Variants in SLC23A2 observed in about 807,000 individuals in gnomAD.
SLC23A2 encodes Na(+)/L-ascorbic acid transporter 2.
SLC23A2 carries 36 observed loss-of-function variants against 73.3 expected under a neutral mutation model. The observed-to-expected ratio is 0.49, with a 90% CI of 0.38 to 0.65. The LOEUF (loss-of-function observed/expected upper bound fraction) is 0.65, where lower values mean the gene tolerates loss of function less well. SLC23A2 is among the 30% of genes least tolerant of loss of function. The probability of loss-of-function intolerance (pLI) is 0.00; values close to 1 mark genes in which losing one functional copy is unlikely to be tolerated. For missense variants in SLC23A2, 507 were observed against 841.6 expected (o/e 0.60, Z 4.92); for synonymous variants, 343 against 327.3 (o/e 1.05, Z -0.52).
At chr20:4,992,530 C>CG (rs2087944297) in intron 1 of SLC23A2, among the ~76,000 whole-genome samples, 2 of 101,554 alleles carry the variant, frequency 2.0e-5, no homozygotes, top group African/African-American at 7.5e-5. Flanking sequence ...TTTTTGGAGA[C>CG]GGAGTTTTTC....
chr20:4,941,106 A>T (rs1377761632), intron 2 of SLC23A2, among the ~76,000 whole-genome samples: 1 of 151,988 alleles, frequency 6.6e-6, no homozygotes, highest in East Asian at 1.9e-4. Context: ...CAGTAAGCCG[A>T]GATTGCACCA....
At chr20:4,953,320 AAAATT>A (rs1489140161) in intron 2 of SLC23A2, among the ~76,000 whole-genome samples, 3 of 152,128 alleles carry the variant, frequency 2.0e-5, no homozygotes, top group South Asian at 4.1e-4. Context: ...TAATAATAAT[AAAATT>A]AAATTAAATA....
intron 1 of SLC23A2, among the ~76,000 whole-genome samples, chr20:4,996,693 A>C (rs898849233): frequency 3.7e-5 from 5 of 134,758 alleles, no homozygotes; most frequent in East Asian, 2.1e-4. Context: ...CTCAAAAAAA[A>C]AAAAAAAAAA....
At chr20:5,000,839 C>T (rs559027744) in intron 1 of SLC23A2, among the ~76,000 whole-genome samples, 4 of 152,330 alleles carry the variant, frequency 2.6e-5, no homozygotes, top group African/African-American at 9.6e-5. Flanking sequence ...AGAAAGGCCC[C>T]GGGGTCGGAG....
At chr20:4,910,816 A>G (rs542359474) in intron 4 of SLC23A2, among the ~76,000 whole-genome samples, 2 of 152,344 alleles carry the variant, frequency 1.3e-5, no homozygotes, top group East Asian at 3.9e-4. Flanking sequence ...CCAGGAAAAT[A>G]TTAAGATACT....
chr20:4,987,451 G>A (rs1053197236), intron 1 of SLC23A2, among the ~76,000 whole-genome samples: 1 of 151,964 alleles, frequency 6.6e-6, no homozygotes, highest in Non-Finnish European at 1.5e-5. Context: ...AAATCAGCAG[G>A]GAAACAAAAA....
At chr20:5,003,399 C>T (rs1488402295), upstream of SLC23A2, among the ~76,000 whole-genome samples, 3 of 151,992 alleles carry the variant, frequency 2.0e-5, no homozygotes, top group Admixed American at 6.6e-5. Flanking sequence ...CAAAACAAAA[C>T]AAAACAAAAA....
chr20:4,956,800 CTT>C (rs759658782), intron 2 of SLC23A2, among the ~76,000 whole-genome samples: 2 of 111,932 alleles, frequency 1.8e-5, no homozygotes, highest in African/African-American at 6.9e-5. Context: ...CTTCCCTCTT[CTT>C]TTTTTTTTTT....
At chr20:4,910,728 G>A (rs775518277) in intron 4 of SLC23A2, among the ~76,000 whole-genome samples, 2 of 152,094 alleles carry the variant, frequency 1.3e-5, no homozygotes, top group Non-Finnish European at 2.9e-5. Flanking sequence ...GAGCCACCAC[G>A]CCCAGCCCAA....
chr20:4,985,203 T>C (rs2087805383), intron 1 of SLC23A2, among the ~76,000 whole-genome samples: 1 of 151,590 alleles, frequency 6.6e-6, no homozygotes, highest in African/African-American at 2.4e-5. Flanking sequence ...CTTCTATGTA[T>C]CTACCAACAA....
Position 4,998,805 on chromosome 20 carries a change from C to CTTTT in SLC23A2, c.-282+2597_-282+2600dup, listed in dbSNP as rs10634743. 1.4e-5 allele frequency among the ~76,000 whole-genome samples: 2 copies of CTTTT among 139,462 alleles called. No individual in the cohort carries two copies. The highest frequency in any genetic ancestry group is 1.5e-5 in the Non-Finnish European group (1 of 64,734). The allele number at this position is 139,462 out of a possible 152,430, so 91.5% of individuals were successfully genotyped here. ...ATAATTTCAAATCATTACTGTTGAT[C>CTTTT]TTTTTTTTTTTTTTTTTAGGAGACA... On this transcript the variant is annotated intron_variant, in intron 1 of 16. Transcript: ENST00000338244. The surrounding 1 kb of genome is among the most constrained non-coding windows in gnomAD (Gnocchi z 4.1).
At position 4,886,148 on chromosome 20, in the gene SLC23A2, G is replaced by A. The variant is rs919923613; in HGVS notation, c.483-239C>T. 2.0e-5 allele frequency among the ~76,000 whole-genome samples: 3 copies of A among 152,160 alleles called. No individual in the cohort carries two copies. In the South Asian group the frequency reaches 6.2e-4, roughly 32 times the overall value. On this transcript the variant is annotated intron_variant, in intron 6 of 16. Coordinates refer to ENST00000338244, the MANE Select transcript of SLC23A2 (RefSeq NM_005116.6). ...CCCAGGCAGCTCCAGGGTGGGCCCC[G>A]TGGTCAGTGCCAACACCCCAACACC...
intron 1 of SLC23A2, among the ~76,000 whole-genome samples, chr20:4,974,915 G>A (rs1171910858): frequency 1.3e-5 from 2 of 152,100 alleles, no homozygotes; most frequent in Admixed American, 6.6e-5. Context: ...AGCCTCCCGA[G>A]TAGCTGGGAT....
intron 2 of SLC23A2, among the ~76,000 whole-genome samples, chr20:4,965,623 G>T (rs1021809474): frequency 5.0e-4 from 76 of 151,852 alleles, no homozygotes; most frequent in African/African-American, 1.8e-3. Context: ...AATTAGCCAG[G>T]TATGGTGGTG....
In SLC23A2 at chr20:4,938,839, C is replaced by T. The variant is rs551799631; in HGVS notation, c.-154-6123G>A. ...CACAGGCCTCTCCTATCTCTCAGGACCCTGCTCATGCCATCCCTCCAAAAT... is the reference window on the plus strand; with the variant it reads ...CACAGGCCTCTCCTATCTCTCAGGATCCTGCTCATGCCATCCCTCCAAAAT... On this transcript the variant is annotated intron_variant, in intron 2 of 16. Transcript: ENST00000338244. 3.4e-4 allele frequency among the ~76,000 whole-genome samples: 52 copies of T among 152,256 alleles called. No individual in the cohort carries two copies. The South Asian group carries it at 5.8e-3, about 17-fold the overall frequency.
At chr20:4,931,664 G>C (rs1024692394) in intron 3 of SLC23A2, among the ~76,000 whole-genome samples, 2 of 152,076 alleles carry the variant, frequency 1.3e-5, no homozygotes, top group Non-Finnish European at 2.9e-5. Flanking sequence ...AGCTACTCGG[G>C]AGACTGAGAT....
chr20:4,889,068 G>A (rs138346116), intron 6 of SLC23A2, among the ~76,000 whole-genome samples: 173 of 152,286 alleles, frequency 1.1e-3, no homozygotes, highest in African/African-American at 3.8e-3. Flanking sequence ...AAGCAGATAC[G>A]ACGATGGAAA....
rs1278647558 is a variant in SLC23A2 at position 4,856,709 on chromosome 20, G to A, written c.*263C>T. The A allele has an allele frequency of 2.6e-5, 11 of 425,158 alleles. No individual in the cohort carries two copies. The South Asian group carries it at 3.8e-4, about 15-fold the overall frequency. The allele number at this position is 425,158 out of a possible 1,614,324, so 26.3% of individuals were successfully genotyped here. A position where few individuals can be genotyped will look rare whatever the true frequency, so the allele number is the denominator to read the frequency against. On this transcript the variant is annotated 3_prime_UTR_variant, in exon 17 of 17. Transcript: ENST00000338244. This position sits in a 1 kb window ranked among gnomAD's most constrained non-coding sequence, Gnocchi z 4.6. ...TTTTAAATGTCCACTCCAAAGGGAG[G>A]ACTGGAACTTCAAATTTAGTGACCA...
chr20:4,945,572 C>T (rs1011036588), intron 2 of SLC23A2, among the ~76,000 whole-genome samples: 9 of 152,216 alleles, frequency 5.9e-5, no homozygotes, highest in Admixed American at 2.6e-4. Context: ...GCATGAGCCA[C>T]CATGCCTAGC....
Sources: allele counts gnomAD v4.1 joint callset (sites outside exome capture counted in the v4.1 genomes callset), GRCh38; gene constraint gnomAD v4.1.1; non-coding constraint Gnocchi (gnomAD v3.1); transcripts MANE v1.5; gene names NCBI Gene and HGNC (gene_info 2026-07-23, HGNC 2026-07-21).